Variants in ACVR1C observed in about 807,000 individuals in gnomAD.
ACVR1C encodes the protein activin A receptor type 1C, also known as activin receptor type-1C.
ACVR1C carries 23 observed loss-of-function variants against 57.9 expected under a neutral mutation model. That is an observed-to-expected ratio of 0.40 (90% confidence interval 0.29 to 0.56). The LOEUF (loss-of-function observed/expected upper bound fraction) is 0.56. Among genes scored for constraint, ACVR1C ranks in the 20% least tolerant of loss-of-function variants. The pLI is 0.50. For missense variants in ACVR1C, 480 were observed against 607.9 expected, an observed-to-expected ratio of 0.79 and a Z score of 2.21; for synonymous variants, 214 against 215.3, an observed-to-expected ratio of 0.99 and a Z score of 0.05.
In ACVR1C at chr2:157,532,963, T is replaced by C. The variant is rs1386509170; in HGVS notation, c.*955A>G. On this transcript the variant is annotated 3_prime_UTR_variant, in exon 9 of 9. Coordinates refer to ENST00000243349, the MANE Select transcript of ACVR1C (RefSeq NM_145259.3). ...AATCTTTGGAAGTGTTCAGAAAACA[T>C]TAATGCTCATTAACAAATGGGGTAA... 2 of 152,208 alleles carry C rather than the reference T, an allele frequency of 1.3e-5. No homozygotes were observed. The highest frequency in any genetic ancestry group is 3.8e-4 in the East Asian group (2 of 5,198). 9.4% of individuals were successfully genotyped at this position (152,208 alleles called of 1,614,324 possible).
At chr2:157,551,504 TAA>T (rs1292199299) in intron 3 of ACVR1C, among the ~76,000 whole-genome samples, 1 of 152,230 alleles carries the variant, frequency 6.6e-6, no homozygotes, top group Non-Finnish European at 1.5e-5. Flanking sequence ...CTTATAAATA[TAA>T]GTGTATCTAG....
intron 3 of ACVR1C, among the ~76,000 whole-genome samples, chr2:157,554,264 A>AAAGAAAGAAAGAAAGAAAGGAAGGAAGG (rs1688018034): frequency 1.6e-5 from 2 of 127,472 alleles, no homozygotes; most frequent in East Asian, 4.2e-4. Flanking sequence ...AGAAAGAAAG[A>AAAGAAAGAAAGAAAGAAAGGAAGGAAGG]AAGAAAGGAA....
Position 157,556,221 on chromosome 2 carries a change from C to T in ACVR1C, c.416G>A (p.Arg139Gln), listed in dbSNP as rs201171210. 66 of 1,613,852 alleles carry T rather than the reference C, an allele frequency of 4.1e-5. No homozygotes were observed. The highest frequency in any genetic ancestry group is 2.0e-4 in the Admixed American group (12 of 59,974). Residue 139 changes from arginine (R) to glutamine (Q), a missense_variant, in exon 3 of 9, where the codon CGA becomes CAA. Arg to Gln is a conservative substitution (Grantham distance 43, BLOSUM62 1). Transcript: ENST00000243349. The part of the protein sequence containing the change: ...AMLTVWACQG[R>Q]QCSYRKKKRP... The stretch of plus-strand genomic sequence containing the variant: ...CTTTTTCTTCCTGTAGGAGCACTGT[C>T]GACCCTGGCATGCCCATACTGTCAG...
intron 2 of ACVR1C, among the ~76,000 whole-genome samples, chr2:157,586,091 T>C (rs1051095244): frequency 6.6e-6 from 1 of 152,128 alleles, no homozygotes; most frequent in African/African-American, 2.4e-5. Flanking sequence ...AAAAGTCTCC[T>C]TTCCTGCTAA....
rs1687321274 is a variant in ACVR1C, at chr2:157,530,045, G to A, written c.*3873C>T. 6.6e-6 allele frequency: 1 copy of A among 152,072 alleles called. No individual in the cohort carries two copies. The highest frequency in any genetic ancestry group is 1.5e-5 in the Non-Finnish European group (1 of 67,996). 9.4% of individuals were successfully genotyped at this position (152,072 alleles called of 1,614,324 possible). ...AAGCATTGTCAAACAGAAATAGTATGTTTCACAAAAGATGTTTAAAATATC... is the reference window on the plus strand; with the variant it reads ...AAGCATTGTCAAACAGAAATAGTATATTTCACAAAAGATGTTTAAAATATC... On this transcript the variant is annotated 3_prime_UTR_variant, in exon 9 of 9. Transcript: ENST00000243349.
At chr2:157,584,685 C>A (rs986374593) in intron 2 of ACVR1C, among the ~76,000 whole-genome samples, 3 of 152,168 alleles carry the variant, frequency 2.0e-5, no homozygotes, top group Admixed American at 1.3e-4. Context: ...ATTTGGGAGA[C>A]TATGAAGTTA....
At chr2:157,580,936 C>T (rs1341036614) in intron 2 of ACVR1C, among the ~76,000 whole-genome samples, 1 of 152,052 alleles carries the variant, frequency 6.6e-6, no homozygotes, top group Admixed American at 6.6e-5. Context: ...GTGTCTCAAG[C>T]CCAACTTTGG....
chr2:157,536,917 T>A (rs564337256), intron 8 of ACVR1C, among the ~76,000 whole-genome samples: 62 of 152,272 alleles, frequency 4.1e-4, no homozygotes, highest in African/African-American at 1.5e-3. Context: ...TATATTTGGT[T>A]TAACACTGGA....
intron 1 of ACVR1C, among the ~76,000 whole-genome samples, chr2:157,587,690 C>T (rs1372655823): frequency 3.3e-5 from 5 of 151,816 alleles, no homozygotes; most frequent in Non-Finnish European, 7.4e-5. Flanking sequence ...CTCTAAATAC[C>T]CCCATATTAA....
intron 2 of ACVR1C, among the ~76,000 whole-genome samples, chr2:157,557,889 A>G (rs1688143001): frequency 6.6e-6 from 1 of 152,190 alleles, no homozygotes; most frequent in South Asian, 2.1e-4. Flanking sequence ...GATGACAGAT[A>G]ATTTCCTGTG....
At chr2:157,628,473 T>A in intron 1 of ACVR1C, 99 bp downstream of exon 1, 1 of 1,369,168 alleles carries the variant, frequency 7.3e-7, no homozygotes, top group Admixed American at 2.0e-5. Flanking sequence ...GAAGGTCAGT[T>A]TGCTCGGAGC....
At chr2:157,581,646 C>G (rs948803517) in intron 2 of ACVR1C, among the ~76,000 whole-genome samples, 2 of 152,122 alleles carry the variant, frequency 1.3e-5, no homozygotes, top group Non-Finnish European at 1.5e-5. Context: ...AGTCAGCTAC[C>G]CAGAAATGAC....
intron 2 of ACVR1C, among the ~76,000 whole-genome samples, chr2:157,565,893 A>G (rs1054045419): frequency 2.6e-5 from 4 of 152,252 alleles, no homozygotes; most frequent in African/African-American, 9.6e-5. Context: ...ATTTAAGAAG[A>G]ATAACATTTT....
At chr2:157,556,658 T>A (rs1395624123) in intron 2 of ACVR1C, among the ~76,000 whole-genome samples, 1 of 73,320 alleles carries the variant, frequency 1.4e-5, no homozygotes, top group Non-Finnish European at 2.4e-5. Flanking sequence ...AGCAGTACAC[T>A]TTTTTTTTTT....
intron 2 of ACVR1C, among the ~76,000 whole-genome samples, chr2:157,564,961 G>A (rs996258374): frequency 2.0e-5 from 3 of 152,152 alleles, no homozygotes; most frequent in East Asian, 1.9e-4. Flanking sequence ...CTGTCAGGGG[G>A]TGGAGGGTAA....
At chr2:157,554,388 G>A (rs1203091444) in intron 3 of ACVR1C, among the ~76,000 whole-genome samples, 1 of 150,064 alleles carries the variant, frequency 6.7e-6, no homozygotes, top group Non-Finnish European at 1.5e-5. Flanking sequence ...GGGAGGGAAG[G>A]AAGGAAGGAA....
intron 8 of ACVR1C, among the ~76,000 whole-genome samples, chr2:157,535,220 T>C (rs1687453434): frequency 1.3e-5 from 2 of 151,122 alleles, no homozygotes; most frequent in South Asian, 4.2e-4. Context: ...CTAAGGCAAA[T>C]TGCCTAAGTC....
At chr2:157,563,901 C>A (rs1038226626) in intron 2 of ACVR1C, among the ~76,000 whole-genome samples, 2 of 152,174 alleles carry the variant, frequency 1.3e-5, no homozygotes, top group African/African-American at 4.8e-5. Context: ...ACTGGGAGAA[C>A]TGGCTAGCCA....
At chr2:157,603,009 G>A (rs1682314007) in intron 1 of ACVR1C, among the ~76,000 whole-genome samples, 1 of 152,110 alleles carries the variant, frequency 6.6e-6, no homozygotes, top group African/African-American at 2.4e-5. Context: ...TTCAGCAAAG[G>A]CCTCTAAAAT....
Sources: allele counts gnomAD v4.1 joint callset (sites outside exome capture counted in the v4.1 genomes callset), GRCh38; gene constraint gnomAD v4.1.1; transcripts MANE v1.5; gene names NCBI Gene and HGNC (gene_info 2026-07-23, HGNC 2026-07-21).